SLC71A1: variants seen among roughly 807,000 people sequenced by gnomAD.
The protein encoded by SLC71A1 is solute carrier family 71 member 1.
At chr1:100,070,363 G>T in the SLC71A1 span, among the ~76,000 whole-genome samples, 4 of 152,224 alleles carry the variant, frequency 2.6e-5, no homozygotes, top group African/African-American at 9.6e-5. Flanking sequence ...CAGGGGGCCA[G>T]TGCGGCTCCA....
At chr1:100,041,771 A>C in the SLC71A1 span, among the ~76,000 whole-genome samples, 3 of 152,156 alleles carry the variant, frequency 2.0e-5, no homozygotes, top group African/African-American at 7.2e-5. Context: ...CAAAATTACA[A>C]AAATGAGCTA....
chr1:100,071,314 AAAG>A, the SLC71A1 span, among the ~76,000 whole-genome samples: 94 of 136,744 alleles, frequency 6.9e-4, no homozygotes, highest in African/African-American at 1.3e-3. Flanking sequence ...AAAAAAAAAA[AAAG>A]AAAGAAAGCC....
At chr1:100,074,540 C>T in the SLC71A1 span, among the ~76,000 whole-genome samples, 4 of 151,162 alleles carry the variant, frequency 2.6e-5, no homozygotes, top group Admixed American at 6.6e-5. Context: ...CATTGCGCCA[C>T]AGCACTCCAG....
the SLC71A1 span, chr1:100,079,413 A>G: frequency 1.3e-5 from 2 of 152,120 alleles, no homozygotes; most frequent in Admixed American, 6.5e-5. Context: ...ACAGATGACA[A>G]ATACTTCTTT....
chr1:100,079,352 A>G, the SLC71A1 span: 2 of 151,794 alleles, frequency 1.3e-5, no homozygotes, highest in African/African-American at 2.4e-5. Flanking sequence ...CTTTAATGTC[A>G]TATGCTCTCT....
chr1:100,041,681 T>G, the SLC71A1 span, among the ~76,000 whole-genome samples: 232 of 152,330 alleles, frequency 1.5e-3, no homozygotes, highest in African/African-American at 5.0e-3. Flanking sequence ...CCCAGCACTT[T>G]GGGAGGCCAG....
At chr1:100,039,072 TTG>T in the SLC71A1 span, among the ~76,000 whole-genome samples, 3 of 152,226 alleles carry the variant, frequency 2.0e-5, no homozygotes, top group Non-Finnish European at 4.4e-5. Flanking sequence ...TTAGAAACAG[TTG>T]TCATCACAGT....
the SLC71A1 span, among the ~76,000 whole-genome samples, chr1:100,065,360 C>A: frequency 2.0e-5 from 3 of 152,172 alleles, no homozygotes; most frequent in African/African-American, 7.2e-5. Flanking sequence ...TTTAAGTTCT[C>A]CATCCAAAAG....
chr1:100,083,289 ACACT>A, the SLC71A1 span: 1 of 152,572 alleles, frequency 6.6e-6, no homozygotes, highest in Admixed American at 6.5e-5. Context: ...TAAACTTGGA[ACACT>A]CACTATGGTT....
At chr1:100,077,067 A>C in the SLC71A1 span, 2 of 628,150 alleles carry the variant, frequency 3.2e-6, no homozygotes, top group South Asian at 4.3e-5. Context: ...AAAATCAGCC[A>C]AATTGTAGAA....
chr1:100,083,334 C>CTGT, the SLC71A1 span: 1 of 152,282 alleles, frequency 6.6e-6, no homozygotes, highest in South Asian at 2.1e-4. Context: ...TGTAAATATT[C>CTGT]TGTTAATAAA....
chr1:100,049,882 CT>C, the SLC71A1 span: 2 of 1,290,214 alleles, frequency 1.6e-6, no homozygotes, highest in Non-Finnish European at 1.1e-6. Flanking sequence ...CTTTTTTTAA[CT>C]TTTTAAAAAA....
chr1:100,069,525 T>C, the SLC71A1 span: 3 of 756,936 alleles, frequency 4.0e-6, 1 homozygote, highest in Admixed American at 7.0e-5. Flanking sequence ...TCTGGCCCAT[T>C]AAATGTTAAT....
the SLC71A1 span, chr1:100,050,096 TTA>T: frequency 5.1e-5 from 36 of 702,550 alleles, no homozygotes; most frequent in Middle Eastern, 2.4e-4. Context: ...CTTTGCACGG[TTA>T]ATTCTCCCAC....
chr1:100,067,870 G>A, the SLC71A1 span: 2 of 829,248 alleles, frequency 2.4e-6, no homozygotes, highest in Non-Finnish European at 2.0e-6. Flanking sequence ...GAAAAGGGAG[G>A]GTGTGCAACA....
the SLC71A1 span, chr1:100,069,519 G>T: frequency 4.2e-6 from 3 of 707,336 alleles, no homozygotes; most frequent in Non-Finnish European, 5.0e-6. Flanking sequence ...TTTTTTTCTG[G>T]CCCATTAAAT....
the SLC71A1 span, among the ~76,000 whole-genome samples, chr1:100,059,557 A>G: frequency 6.6e-6 from 1 of 151,400 alleles, no homozygotes; most frequent in African/African-American, 2.4e-5. Context: ...TTATATATAT[A>G]TATACACACA....
chr1:100,045,541 T>C, the SLC71A1 span, among the ~76,000 whole-genome samples: 3 of 152,162 alleles, frequency 2.0e-5, no homozygotes, highest in Non-Finnish European at 4.4e-5. Flanking sequence ...TTAATTACTA[T>C]GGGTACAAAG....
the SLC71A1 span, among the ~76,000 whole-genome samples, chr1:100,046,272 G>A: frequency 8.0e-6 from 1 of 125,344 alleles, no homozygotes; most frequent in Non-Finnish European, 1.6e-5. Flanking sequence ...TGTCGCCTAG[G>A]CTGGAGTGCA....
Sources: allele counts gnomAD v4.1 joint callset (sites outside exome capture counted in the v4.1 genomes callset), GRCh38; gene constraint gnomAD v4.1.1; transcripts MANE v1.5; gene names NCBI Gene and HGNC (gene_info 2026-07-23, HGNC 2026-07-21).